The following PDZD8 variants were observed in gnomAD, a reference collection of about 807,000 sequenced individuals.
PDZD8 encodes PDZ domain-containing protein 8.
Under a neutral mutation model 85.8 loss-of-function variants are expected in PDZD8, and 14 were observed. The ratio of observed to expected loss-of-function variants is 0.16; its 90% CI spans 0.11 to 0.26. PDZD8 has a LOEUF of 0.26. Ranked by LOEUF, PDZD8 falls within the 10% of genes least tolerant of loss-of-function variation. The pLI, the probability that PDZD8 is intolerant of heterozygous loss-of-function variation, is 1.00. For missense variants in PDZD8, 1,197 were observed against 1,424.3 expected (o/e 0.84, Z 2.57); for synonymous variants, 592 against 568.6 (o/e 1.04, Z -0.59).
intron 3 of PDZD8, among the ~76,000 whole-genome samples, chr10:117,292,614 T>C (rs920475169): frequency 4.0e-5 from 6 of 151,874 alleles, no homozygotes; most frequent in Non-Finnish European, 7.4e-5. Flanking sequence ...CTTTTAAAAG[T>C]AGAATGGAGA....
chr10:117,279,557 C>T lies in PDZD8; in HGVS notation c.*3711G>A, dbSNP rs1174037298. ...GTGCTTGTAGGCATCAGGTAAAAGC[C>T]ACCCCAGGTTAGCTTGACCATACTT... On this transcript the variant is annotated 3_prime_UTR_variant, in exon 5 of 5. Transcript: ENST00000334464. 1 of 152,158 alleles carries T rather than the reference C, an allele frequency of 6.6e-6. No individual in the cohort carries two copies. The highest frequency in any genetic ancestry group is 2.4e-5 in the African/African-American group (1 of 41,416). 9.4% of individuals were successfully genotyped at this position (152,158 alleles called of 1,614,324 possible).
intron 1 of PDZD8, among the ~76,000 whole-genome samples, chr10:117,368,818 T>A (rs1293646704): frequency 6.7e-6 from 1 of 148,624 alleles, no homozygotes; most frequent in East Asian, 2.0e-4. Flanking sequence ...TCTGGCAGAG[T>A]GACTTTTTAA....
intron 1 of PDZD8, among the ~76,000 whole-genome samples, chr10:117,352,298 A>C (rs1048928804): frequency 3.3e-5 from 5 of 152,218 alleles, no homozygotes; most frequent in Non-Finnish European, 5.9e-5. Context: ...TTGAGCGTTC[A>C]TGTTCTTGCT....
At position 117,277,786 on chromosome 10, in the gene PDZD8, T is replaced by TA. The variant is rs1844520601; in HGVS notation, c.*5481dup. On this transcript the variant is annotated 3_prime_UTR_variant, in exon 5 of 5. Coordinates refer to ENST00000334464, the MANE Select transcript of PDZD8 (RefSeq NM_173791.5). ...AGTTACTATCAATATATTTATGCGT[T>TA]AAACAGCTAGTTCTCTCAAGTGTAG... The TA allele has an allele frequency of 6.6e-6, 1 of 152,250 alleles. No homozygotes were observed. The highest frequency in any genetic ancestry group is 2.1e-4 in the South Asian group (1 of 4,824). The allele number at this position is 152,250 out of a possible 1,614,324, so 9.4% of individuals were successfully genotyped here.
intron 1 of PDZD8, among the ~76,000 whole-genome samples, chr10:117,357,932 T>G (rs1390859857): frequency 2.6e-5 from 4 of 151,946 alleles, no homozygotes; most frequent in African/African-American, 9.7e-5. Flanking sequence ...ACATACTTAG[T>G]ATTTACGGAT....
intron 1 of PDZD8, among the ~76,000 whole-genome samples, chr10:117,364,928 G>A (rs960482246): frequency 1.3e-5 from 2 of 151,828 alleles, no homozygotes; most frequent in South Asian, 4.2e-4. Context: ...GCAGGAGGGA[G>A]GGAGAGGGAA....
chr10:117,363,335 C>G (rs555079633), intron 1 of PDZD8, among the ~76,000 whole-genome samples: 2 of 152,202 alleles, frequency 1.3e-5, no homozygotes, highest in African/African-American at 4.8e-5. Flanking sequence ...ATGCACTATT[C>G]AGAAGATATT....
chr10:117,339,166 T>G (rs1317815844), intron 2 of PDZD8, among the ~76,000 whole-genome samples: 4 of 150,616 alleles, frequency 2.7e-5, no homozygotes, highest in Non-Finnish European at 5.9e-5. Flanking sequence ...TTAAGTATAT[T>G]ATTAGTATAC....
chr10:117,344,514 A>C (rs966640972), intron 1 of PDZD8, among the ~76,000 whole-genome samples: 3 of 152,066 alleles, frequency 2.0e-5, no homozygotes, highest in Admixed American at 6.5e-5. Flanking sequence ...CAGCCTCCCG[A>C]GTAGCTGGGA....
intron 2 of PDZD8, among the ~76,000 whole-genome samples, chr10:117,322,521 T>A (rs1844243181): frequency 6.6e-6 from 1 of 152,168 alleles, no homozygotes; most frequent in African/African-American, 2.4e-5. Context: ...GCTGCAGTTT[T>A]AAAAGTAACC....
intron 2 of PDZD8, among the ~76,000 whole-genome samples, chr10:117,338,067 A>ATGTCCTC (rs1164815413): frequency 2.0e-5 from 3 of 152,200 alleles, no homozygotes; most frequent in Non-Finnish European, 4.4e-5. Flanking sequence ...TTACAGTAAT[A>ATGTCCTC]TGTCCTCTTT....
In PDZD8 at chr10:117,290,300, G is replaced by A. The variant is rs1339193242; in HGVS notation, c.1147C>T (p.Leu383Phe). ...GCATACCCATCAGTTGACTGGACAAGACGAAGTGTAAGTCCAACACTTTGT... is the reference window on the plus strand; with the variant it reads ...GCATACCCATCAGTTGACTGGACAAAACGAAGTGTAAGTCCAACACTTTGT... The part of the protein sequence containing the change: ...NLQSVGLTLR[L>F]VQSTDGYAGH... Residue 383 changes from leucine (L) to phenylalanine (F), a missense_variant, in exon 4 of 5, where the codon CTT becomes TTT. Physicochemically the swap from Leu to Phe is conservative, Grantham distance 22. This residue lies in a region of PDZD8 where 344 missense variants were observed against 453.6 expected (regional missense o/e 0.76). Transcript: ENST00000334464. 5.6e-6 allele frequency: 9 copies of A among 1,613,330 alleles called. No individual in the cohort carries two copies. Among genetic ancestry groups the A allele is most frequent in the Admixed American group, 3.3e-5 (2 of 59,896 alleles).
chr10:117,365,567 G>A (rs1341516630), intron 1 of PDZD8, among the ~76,000 whole-genome samples: 1 of 151,978 alleles, frequency 6.6e-6, no homozygotes, highest in Non-Finnish European at 1.5e-5. Context: ...AATATAATGT[G>A]TCACCTAGAA....
chr10:117,368,406 C>T (rs1845126898), intron 1 of PDZD8, among the ~76,000 whole-genome samples: 1 of 152,094 alleles, frequency 6.6e-6, no homozygotes, highest in South Asian at 2.1e-4. Flanking sequence ...GGTTAGATTT[C>T]CTATCAACAT....
At chr10:117,349,620 T>C (rs911856758) in intron 1 of PDZD8, among the ~76,000 whole-genome samples, 6 of 152,176 alleles carry the variant, frequency 3.9e-5, no homozygotes, top group East Asian at 3.9e-4. Context: ...CTGGGCAACA[T>C]AGCCACACCC....
At chr10:117,334,635 T>C (rs1434071889) in intron 2 of PDZD8, among the ~76,000 whole-genome samples, 1 of 151,206 alleles carries the variant, frequency 6.6e-6, no homozygotes, top group Non-Finnish European at 1.5e-5. Context: ...TTCAAAGAAT[T>C]AAAGGAAAAC....
rs1453535201 is a variant in PDZD8 at position 117,277,820 on chromosome 10, A to T, written c.*5448T>A. 1 of 152,202 alleles carries T rather than the reference A, an allele frequency of 6.6e-6. No individual in the cohort carries two copies. The highest frequency in any genetic ancestry group is 1.5e-5 in the Non-Finnish European group (1 of 68,036). The allele number at this position is 152,202 out of a possible 1,614,324, so 9.4% of individuals were successfully genotyped here. ...AGTTCTCTCAAGTGTAGAGGACAAG[A>T]ACTTGTGTCAGTTATCTTTTGAATC... On this transcript the variant is annotated 3_prime_UTR_variant, in exon 5 of 5. Transcript: ENST00000334464.
rs545377604 is a variant in PDZD8 at position 117,332,943 on chromosome 10, C to T, written c.995+8037G>A. On this transcript the variant is annotated intron_variant, in intron 2 of 4. Transcript: ENST00000334464. ...GACCAGCCAGGCCAACATGGTGAAA[C>T]GCCCGTCTCTACTAAAAATACAAAA... 2.8e-3 allele frequency among the ~76,000 whole-genome samples: 415 copies of T among 150,674 alleles called. 2 individuals carry two copies. Among genetic ancestry groups the T allele is most frequent in the African/African-American group, 9.3e-3 (384 of 41,250 alleles).
intron 3 of PDZD8, among the ~76,000 whole-genome samples, chr10:117,308,677 G>C (rs1187338615): frequency 6.6e-6 from 1 of 152,128 alleles, no homozygotes; most frequent in Admixed American, 6.6e-5. Flanking sequence ...TATAGTACTA[G>C]TTAAGAACAT....
Sources: allele counts gnomAD v4.1 joint callset (sites outside exome capture counted in the v4.1 genomes callset), GRCh38; gene constraint gnomAD v4.1.1; regional missense constraint gnomAD v4.1.1; transcripts MANE v1.5; gene names NCBI Gene and HGNC (gene_info 2026-07-23, HGNC 2026-07-21).